ENPP2: variants seen among roughly 807,000 people sequenced by gnomAD.
ENPP2 encodes the protein ectonucleotide pyrophosphatase/phosphodiesterase 2, also known as autotaxin.
In ENPP2, 51 loss-of-function variants were observed where a neutral mutation model predicts 120.2. The observed-to-expected ratio is 0.42, with a 90% confidence interval of 0.34 to 0.54. The LOEUF (loss-of-function observed/expected upper bound fraction) is 0.54, where lower values mean the gene tolerates loss of function less well. Ranked by LOEUF, ENPP2 falls within the 20% of genes least tolerant of loss-of-function variation. ENPP2 has a pLI of 0.04. For synonymous variants in ENPP2, 365 were observed against 366.4 expected (o/e 1.00, Z 0.04); for missense variants, 920 against 1,066.5 (o/e 0.86, Z 1.91).
intron 9 of ENPP2, 56 bp from the exon 10 acceptor site, chr8:119,601,518 G>A (rs1814306791): frequency 7.5e-7 from 1 of 1,341,942 alleles, no homozygotes; most frequent in Non-Finnish European, 1.1e-6. Context: ...GCAAACTCAA[G>A]CCTGAGGAGT....
upstream of ENPP2, among the ~76,000 whole-genome samples, chr8:119,642,827 G>A (rs545278380): frequency 4.6e-5 from 7 of 152,102 alleles, no homozygotes; most frequent in Non-Finnish European, 7.4e-5. Context: ...TATTCTATGC[G>A]TCCTTGTTCC....
chr8:119,567,054 A>G (rs987292939), intron 22 of ENPP2, among the ~76,000 whole-genome samples: 2 of 152,192 alleles, frequency 1.3e-5, no homozygotes, highest in African/African-American at 4.8e-5. Flanking sequence ...ACAATCGCCC[A>G]TTCCTATTTT....
chr8:119,583,740 A>G lies in ENPP2; in HGVS notation c.1520T>C (p.Ile507Thr), dbSNP rs368406755. Residue 507 changes from isoleucine (I) to threonine (T), a missense_variant, in exon 17 of 25, where the codon ATT becomes ACT. Transcript: ENST00000075322. ...YKTKVPPFEN[I>T]ELYNVMCDLL... ...ACCACACATAACATTGTAAAGTTCA[A>G]TGTTTTCAAATGGAGGCACTTTAGT... 44 of 1,587,154 alleles carry G rather than the reference A, an allele frequency of 2.8e-5. No individual in the cohort carries two copies. The Middle Eastern group carries it at 5.0e-4, about 18-fold the overall frequency.
intron 23 of ENPP2, among the ~76,000 whole-genome samples, chr8:119,564,389 A>C (rs1325625560): frequency 6.6e-6 from 1 of 152,176 alleles, no homozygotes; most frequent in African/African-American, 2.4e-5. Flanking sequence ...AAGAATTGAT[A>C]AATTCAGGCT....
chr8:119,578,001 T>A (rs1812463527), intron 19 of ENPP2, among the ~76,000 whole-genome samples: 1 of 152,168 alleles, frequency 6.6e-6, no homozygotes, highest in South Asian at 2.1e-4. Context: ...AGATGTGTCT[T>A]ATTTTTATGC....
intron 1 of ENPP2, among the ~76,000 whole-genome samples, chr8:119,647,596 T>C (rs1250529091): frequency 6.6e-6 from 1 of 152,220 alleles, no homozygotes; most frequent in Non-Finnish European, 1.5e-5. Flanking sequence ...AATCTTAAAA[T>C]GAATACTTTT....
chr8:119,608,570 C>T (rs1456429612), intron 8 of ENPP2, among the ~76,000 whole-genome samples: 1 of 152,210 alleles, frequency 6.6e-6, no homozygotes, highest in African/African-American at 2.4e-5. Flanking sequence ...CCAAGCATTT[C>T]ATCAAGGTTT....
chr8:119,589,457 A>G (rs1429383594), intron 13 of ENPP2, among the ~76,000 whole-genome samples: 1 of 152,176 alleles, frequency 6.6e-6, no homozygotes, highest in Non-Finnish European at 1.5e-5. Flanking sequence ...CATTACATGT[A>G]CTAATGTCAG....
chr8:119,569,451 A>G, intron 20 of ENPP2, 81 bp from the exon 21 acceptor site: 3 of 1,360,350 alleles, frequency 2.2e-6, no homozygotes, highest in South Asian at 2.5e-5. Flanking sequence ...GGCTTCTCCT[A>G]TGCTTGTATT....
intron 2 of ENPP2, among the ~76,000 whole-genome samples, chr8:119,627,818 C>T (rs1204512874): frequency 6.6e-6 from 1 of 151,226 alleles, no homozygotes; most frequent in African/African-American, 2.4e-5. Context: ...GCAGAGATCG[C>T]ACTATTGCAC....
intron 20 of ENPP2, 32 bp from the exon 21 acceptor site, chr8:119,569,402 C>T (rs752796381): frequency 1.9e-6 from 3 of 1,611,656 alleles, no homozygotes; most frequent in South Asian, 1.1e-5. Flanking sequence ...TCAGCAATGC[C>T]GTGGCTCTGT....
rs181400680 is a variant in ENPP2, at chr8:119,645,718, G to C, written c.22-7191C>G. 4.6e-5 allele frequency among the ~76,000 whole-genome samples: 7 copies of C among 151,804 alleles called. No homozygotes were observed. In the East Asian group the frequency reaches 1.4e-3, roughly 30 times the overall value. On this transcript the variant is annotated intron_variant, in intron 1 of 25. Transcript: ENST00000427067. Reference sequence around the variant, plus strand: ...TCATTCCAGCTACTTGGGAGGCTGAGGCAGGAGAATCGCTTGAACCCGGGG... The same window carrying C: ...TCATTCCAGCTACTTGGGAGGCTGACGCAGGAGAATCGCTTGAACCCGGGG...
chr8:119,578,238 G>A (rs1366512853), intron 19 of ENPP2: 3 of 152,012 alleles, frequency 2.0e-5, no homozygotes, highest in African/African-American at 4.8e-5. Context: ...TTTTTTAGTA[G>A]AGAAGGGGTT....
chr8:119,664,042 T>C (rs1297070819), intron 1 of ENPP2, among the ~76,000 whole-genome samples: 1 of 152,160 alleles, frequency 6.6e-6, no homozygotes, highest in East Asian at 1.9e-4. Context: ...GGAGCATAAA[T>C]CAAGGATTCC....
intron 17 of ENPP2, 137 bp downstream of exon 17, chr8:119,583,580 G>A (rs909935711): frequency 1.7e-6 from 1 of 587,948 alleles, no homozygotes; most frequent in Non-Finnish European, 3.1e-6. Flanking sequence ...TGAACCAATG[G>A]GCAAGTTACA....
chr8:119,565,246 G>C (rs910735377), intron 22 of ENPP2, among the ~76,000 whole-genome samples: 5 of 152,142 alleles, frequency 3.3e-5, no homozygotes, highest in Admixed American at 1.3e-4. Flanking sequence ...GGATAAGTAG[G>C]TGGTGTTTCC....
intron 1 of ENPP2, among the ~76,000 whole-genome samples, chr8:119,666,879 G>A (rs533138433): frequency 6.6e-6 from 1 of 152,254 alleles, no homozygotes; most frequent in South Asian, 2.1e-4. Flanking sequence ...TGGAGAGGAA[G>A]GGTATTCCTG....
rs1203264854 is a variant in ENPP2, at chr8:119,644,632, A to G, written c.22-6105T>C. On this transcript the variant is annotated intron_variant, in intron 1 of 25. Coordinates refer to the ENPP2 transcript ENST00000427067. Reference sequence around the variant, plus strand: ...TATATATATATATATATATACACACACACACACACACACACATATAGATAT... The same window carrying G: ...TATATATATATATATATATACACACGCACACACACACACACATATAGATAT... Among the ~76,000 whole-genome samples, 2 of 121,406 alleles carry G rather than the reference A, an allele frequency of 1.6e-5. 1 individual carries two copies. Among genetic ancestry groups the G allele is most frequent in the Non-Finnish European group, 3.4e-5 (2 of 58,918 alleles). 79.6% of individuals were successfully genotyped at this position (121,406 alleles called of 152,430 possible).
Position 119,583,757 on chromosome 8 carries a change from C to T in ENPP2, c.1503G>A (p.Val501=). The T allele has an allele frequency of 1.2e-6, 2 of 1,602,178 alleles. No homozygotes were observed. The highest frequency in any genetic ancestry group is 1.3e-5 in the African/African-American group (1 of 74,732). ...AAAGTTCAATGTTTTCAAATGGAGG[C>T]ACTTTAGTCTTGTACTTAAATGTTG... ...YGSTFKYKTK[V]PPFENIELYN... is the part of the protein sequence containing the mutation. The change falls in exon 17 of 25, where the codon GTG becomes GTA. Residue 501 remains valine, a synonymous_variant. Coordinates refer to ENST00000075322, the MANE Select transcript of ENPP2 (RefSeq NM_001040092.3).
Sources: gnomAD v4.1 joint callset for allele counts (sites outside exome capture counted in the v4.1 genomes callset) on GRCh38, gnomAD v4.1.1 for gene constraint, MANE v1.5 for transcripts, NCBI Gene and HGNC (gene_info 2026-07-23, HGNC 2026-07-21) for gene names.